The following PEX5L variants were observed in gnomAD, a reference collection of about 807,000 sequenced individuals.
The protein encoded by PEX5L is peroxisomal biogenesis factor 5 like.
PEX5L carries 30 observed loss-of-function variants against 84.0 expected under a neutral mutation model. The ratio of observed to expected loss-of-function variants is 0.36; its 90% confidence interval spans 0.27 to 0.48. The LOEUF (loss-of-function observed/expected upper bound fraction) is 0.48, where lower values mean the gene tolerates loss of function less well. PEX5L is among the 20% of genes least tolerant of loss of function. The pLI is 0.99. For missense variants in PEX5L, 533 were observed against 754.6 expected, an observed-to-expected ratio of 0.71 and a Z score of 3.44; for synonymous variants, 270 against 283.1, an observed-to-expected ratio of 0.95 and a Z score of 0.46.
chr3:179,956,711 G>C (rs752248275), intron 2 of PEX5L, among the ~76,000 whole-genome samples: 1 of 152,168 alleles, frequency 6.6e-6, no homozygotes, highest in Non-Finnish European at 1.5e-5. Flanking sequence ...CAGAAATGCT[G>C]TATAACTGCC....
intron 4 of PEX5L, 32 bp downstream of exon 4, chr3:179,887,641 A>T: frequency 7.7e-7 from 1 of 1,292,670 alleles, no homozygotes; most frequent in Non-Finnish European, 1.1e-6. Flanking sequence ...AATTAACTCT[A>T]GTTGAGGAAC....
intron 14 of PEX5L, among the ~76,000 whole-genome samples, chr3:179,807,015 A>C (rs1359640191): frequency 6.6e-6 from 1 of 152,228 alleles, no homozygotes; most frequent in Non-Finnish European, 1.5e-5. Context: ...AAGAAAGAAG[A>C]AAAAAGATTA....
rs151155435 is a variant in PEX5L, at chr3:179,859,153, C to A, written c.731G>T (p.Arg244Leu). ...TCCCCAGCGATGTTCTTTGGTCAGT[C>A]GAGCCTGAAATCAATCATACACATA... ...ELELVAPTQA[R>L]LTKEHRWGSA... Residue 244 changes from arginine to leucine, a missense_variant, in exon 8 of 15, where the codon CGA (arginine) becomes CTA (leucine). Physicochemically the swap from Arg to Leu is moderately radical, Grantham distance 102. Coordinates refer to ENST00000467460, the MANE Select transcript of PEX5L (RefSeq NM_016559.3). 4 of 1,610,934 alleles carry A rather than the reference C, an allele frequency of 2.5e-6. No individual in the cohort carries two copies. In the East Asian group the frequency reaches 6.7e-5, roughly 27 times the overall value.
intron 8 of PEX5L, among the ~76,000 whole-genome samples, chr3:179,846,287 A>T (rs540129105): frequency 6.6e-6 from 1 of 152,308 alleles, no homozygotes; most frequent in South Asian, 2.1e-4. Context: ...GTAACAATCA[A>T]ATCAGGGTAA....
At chr3:179,908,731 T>C (rs910862720) in intron 2 of PEX5L, among the ~76,000 whole-genome samples, 38 of 152,100 alleles carry the variant, frequency 2.5e-4, no homozygotes, top group Non-Finnish European at 4.6e-4. Context: ...TGGTTTTTTG[T>C]CCTTGCGATA....
chr3:179,963,925 T>C (rs904467953), intron 2 of PEX5L, among the ~76,000 whole-genome samples: 10 of 152,158 alleles, frequency 6.6e-5, no homozygotes, highest in Non-Finnish European at 1.0e-4. Context: ...ATAATTATAA[T>C]TCAATGTCCC....
chr3:179,979,676 C>A (rs568208325), intron 1 of PEX5L, among the ~76,000 whole-genome samples: 2 of 152,190 alleles, frequency 1.3e-5, no homozygotes, highest in Non-Finnish European at 2.9e-5. Flanking sequence ...CCATCCCCAA[C>A]AGGAAAAAGG....
chr3:179,876,943 G>T (rs570173870), intron 5 of PEX5L, among the ~76,000 whole-genome samples: 2 of 152,210 alleles, frequency 1.3e-5, no homozygotes, highest in South Asian at 4.2e-4. Context: ...TTGGGGCTGG[G>T]ACTCAAATTT....
intron 1 of PEX5L, among the ~76,000 whole-genome samples, chr3:180,018,763 C>A (rs1004135119): frequency 6.6e-6 from 1 of 152,176 alleles, no homozygotes; most frequent in African/African-American, 2.4e-5. Flanking sequence ...TTCACCCAGG[C>A]CTGCCTGTCT....
chr3:180,032,779 G>A (rs1235554743), intron 1 of PEX5L, among the ~76,000 whole-genome samples: 5 of 152,166 alleles, frequency 3.3e-5, no homozygotes, highest in Admixed American at 3.3e-4. Context: ...GCTTGAGCCA[G>A]GGAGGCATAG....
intron 2 of PEX5L, among the ~76,000 whole-genome samples, chr3:179,938,705 T>C (rs1560807268): frequency 6.6e-6 from 1 of 152,250 alleles, no homozygotes; most frequent in Non-Finnish European, 1.5e-5. Flanking sequence ...ATGTGAATGT[T>C]GGCTATAACC....
intron 7 of PEX5L, among the ~76,000 whole-genome samples, chr3:179,868,750 C>T (rs972121521): frequency 1.3e-5 from 2 of 152,084 alleles, no homozygotes; most frequent in African/African-American, 4.8e-5. Context: ...GATAAGGCCC[C>T]CTTTGCTAGC....
chr3:179,922,461 T>C (rs2109427731), intron 2 of PEX5L, among the ~76,000 whole-genome samples: 1 of 151,114 alleles, frequency 6.6e-6, no homozygotes, highest in Non-Finnish European at 1.5e-5. Flanking sequence ...CTTTTTTTTT[T>C]TTTTTTTGAA....
rs185375368 is a variant in PEX5L, at chr3:179,944,007, C to T, written c.93+27587G>A. On this transcript the variant is annotated intron_variant, in intron 2 of 14. Transcript: ENST00000467460. ...TGCCAGAAGAATATGCCCTCCCCCC[C>T]CCAAAAAACTGAAAAAGTTTATAAA... 1.3e-4 allele frequency among the ~76,000 whole-genome samples: 20 copies of T among 151,674 alleles called. No individual in the cohort carries two copies. In the East Asian group the frequency reaches 2.9e-3, roughly 22 times the overall value.
rs1388616170 is a variant in PEX5L, at chr3:179,795,214, T to G, written c.*6614A>C. ...GGAGTTCTGATCCCCAAATCCCATT[T>G]TGAAAGATTCCTGAAAAGACCTCGA... On this transcript the variant is annotated 3_prime_UTR_variant, in exon 15 of 15. Transcript: ENST00000467460. 1.3e-5 allele frequency: 2 copies of G among 152,208 alleles called. No homozygotes were observed. Among genetic ancestry groups the G allele is most frequent in the African/African-American group, 4.8e-5 (2 of 41,452 alleles). The allele number at this position is 152,208 out of a possible 1,614,324, so 9.4% of individuals were successfully genotyped here. A position where few individuals can be genotyped will look rare whatever the true frequency, so the allele number is the denominator to read the frequency against.
chr3:179,969,652 T>C (rs1784257942), intron 2 of PEX5L, among the ~76,000 whole-genome samples: 1 of 152,140 alleles, frequency 6.6e-6, no homozygotes, highest in African/African-American at 2.4e-5. Context: ...GACTACTCTT[T>C]CTGCCAACAG....
chr3:179,834,819 T>A (rs1295978995), intron 8 of PEX5L, among the ~76,000 whole-genome samples: 1 of 152,194 alleles, frequency 6.6e-6, no homozygotes, highest in Non-Finnish European at 1.5e-5. Context: ...AAAATGATAT[T>A]TTTAAGTTCT....
intron 7 of PEX5L, among the ~76,000 whole-genome samples, chr3:179,870,431 C>T (rs919922230): frequency 2.0e-5 from 3 of 150,708 alleles, no homozygotes; most frequent in Admixed American, 6.6e-5. Flanking sequence ...CCTTAAAAAC[C>T]CTAGCCCCAA....
intron 2 of PEX5L, among the ~76,000 whole-genome samples, chr3:179,966,825 T>C (rs1237302879): frequency 6.6e-6 from 1 of 152,130 alleles, no homozygotes; most frequent in African/African-American, 2.4e-5. Flanking sequence ...CTTTACAAGG[T>C]GAAAATGAGA....
Sources: gnomAD v4.1 joint callset for allele counts (sites outside exome capture counted in the v4.1 genomes callset) on GRCh38, gnomAD v4.1.1 for gene constraint, MANE v1.5 for transcripts, NCBI Gene and HGNC (gene_info 2026-07-23, HGNC 2026-07-21) for gene names.